Variants in SOBP observed in about 807,000 individuals in gnomAD.
The protein encoded by SOBP is sine oculis binding protein homolog, also known as sine oculis-binding protein homolog.
In SOBP, 4 loss-of-function variants were observed where a neutral mutation model predicts 53.6. The ratio of observed to expected loss-of-function variants is 0.07; its 90% CI spans 0.04 to 0.17. The LOEUF (loss-of-function observed/expected upper bound fraction) is 0.17, where lower values mean the gene tolerates loss of function less well. SOBP is among the 10% of genes least tolerant of loss of function. The pLI is 1.00. For missense variants in SOBP, 1,088 were observed against 1,204.7 expected, an observed-to-expected ratio of 0.90 and a Z score of 1.43; for synonymous variants, 584 against 522.6, an observed-to-expected ratio of 1.12 and a Z score of -1.60.
intron 6 of SOBP, among the ~76,000 whole-genome samples, chr6:107,657,881 A>G (rs1003771896): frequency 6.6e-6 from 1 of 150,804 alleles, no homozygotes; most frequent in Non-Finnish European, 1.5e-5. Flanking sequence ...GCATGCAGTC[A>G]TGTGGAGGGG....
intron 3 of SOBP, chr6:107,510,590 G>C (rs762621478): frequency 2.6e-5 from 4 of 152,192 alleles, no homozygotes; most frequent in Non-Finnish European, 5.9e-5. Context: ...AGTGAAACGA[G>C]GATTCCATCA....
At chr6:107,549,507 A>G (rs1784405419) in intron 4 of SOBP, among the ~76,000 whole-genome samples, 2 of 151,956 alleles carry the variant, frequency 1.3e-5, no homozygotes. Flanking sequence ...TTTGCATTAA[A>G]TGCGATGAAA....
intron 6 of SOBP, among the ~76,000 whole-genome samples, chr6:107,639,672 G>T (rs1292556485): frequency 6.6e-6 from 1 of 152,106 alleles, no homozygotes; most frequent in East Asian, 1.9e-4. Flanking sequence ...GGAGCTTGAG[G>T]GATAGCTGTT....
chr6:107,590,408 GAAC>G (rs1244670927), intron 5 of SOBP, among the ~76,000 whole-genome samples: 2 of 152,130 alleles, frequency 1.3e-5, no homozygotes, highest in East Asian at 3.9e-4. Flanking sequence ...TATAACCAAA[GAAC>G]AACAGCAACT....
At chr6:107,551,355 AT>A (rs1480969950) in intron 4 of SOBP, among the ~76,000 whole-genome samples, 3 of 152,070 alleles carry the variant, frequency 2.0e-5, no homozygotes, top group African/African-American at 7.2e-5. Context: ...TTAGTATGCT[AT>A]TTTTCAAGCT....
chr6:107,646,286 C>G (rs890359184), intron 6 of SOBP, among the ~76,000 whole-genome samples: 1 of 152,182 alleles, frequency 6.6e-6, no homozygotes, highest in Non-Finnish European at 1.5e-5. Context: ...GCTAAGTGGG[C>G]CTAAGGAAAT....
At chr6:107,585,204 C>T (rs1785528593) in intron 4 of SOBP, among the ~76,000 whole-genome samples, 1 of 152,090 alleles carries the variant, frequency 6.6e-6, no homozygotes, top group South Asian at 2.1e-4. Flanking sequence ...TAAATATCAA[C>T]TAAAAGTAAG....
At chr6:107,533,016 T>A (rs535227652) in intron 3 of SOBP, among the ~76,000 whole-genome samples, 16 of 152,226 alleles carry the variant, frequency 1.1e-4, no homozygotes, top group South Asian at 2.1e-4. Context: ...CTGGTCAAGG[T>A]TCACATGAGG....
intron 3 of SOBP, among the ~76,000 whole-genome samples, chr6:107,528,606 A>G (rs1300224459): frequency 6.6e-6 from 1 of 152,236 alleles, no homozygotes; most frequent in East Asian, 1.9e-4. Context: ...GTTTTTTGAA[A>G]ATCAATCAAC....
intron 5 of SOBP, among the ~76,000 whole-genome samples, chr6:107,589,322 A>G (rs1165143582): frequency 1.3e-5 from 2 of 152,192 alleles, no homozygotes; most frequent in African/African-American, 2.4e-5. Flanking sequence ...CCTCTGTGCC[A>G]CAGACACTGA....
chr6:107,624,286 G>T (rs1450558193), intron 5 of SOBP, among the ~76,000 whole-genome samples: 6 of 152,168 alleles, frequency 3.9e-5, no homozygotes, highest in African/African-American at 1.4e-4. Flanking sequence ...CACCCTTTAA[G>T]AGGGGCATTA....
chr6:107,657,400 G>A (rs1276388065), intron 6 of SOBP, among the ~76,000 whole-genome samples: 1 of 152,180 alleles, frequency 6.6e-6, no homozygotes, highest in Non-Finnish European at 1.5e-5. Flanking sequence ...CAGTGCTACT[G>A]TTTGTTTTGG....
chr6:107,635,057 C>A lies in SOBP; in HGVS notation c.2213C>A (p.Ala738Glu). Reference sequence around the variant, plus strand: ...GCCGCCGCCGAGGGCGCTAAGAGCGCGGAGCCGCCTCCCGAGCAGCCGCCG... The same window carrying A: ...GCCGCCGCCGAGGGCGCTAAGAGCGAGGAGCCGCCTCCCGAGCAGCCGCCG... Reference protein sequence around the residue: ...RGAAAEGAKSAEPPPEQPPPP... With the variant: ...RGAAAEGAKSEEPPPEQPPPP... The change falls in exon 6 of 7, where the codon GCG becomes GAG. Residue 738 changes from alanine (A) to glutamate (E), a missense_variant. Around this residue, in one of 6 missense-constraint regions of SOBP, gnomAD observed 665 missense variants for 629.7 expected, o/e 1.06. Transcript: ENST00000317357. This position sits in a 1 kb window ranked among gnomAD's most constrained non-coding sequence, Gnocchi z 4.5. 6.6e-7 allele frequency: 1 copy of A among 1,523,778 alleles called. No homozygotes were observed. The highest frequency in any genetic ancestry group is 8.8e-7 in the Non-Finnish European group (1 of 1,135,072). 94.4% of individuals were successfully genotyped at this position (1,523,778 alleles called of 1,614,324 possible).
At chr6:107,605,349 G>C (rs1032339740) in intron 5 of SOBP, among the ~76,000 whole-genome samples, 1 of 152,248 alleles carries the variant, frequency 6.6e-6, no homozygotes, top group African/African-American at 2.4e-5. Flanking sequence ...GAGGTGCTGG[G>C]GTTCAGGGGC....
intron 5 of SOBP, among the ~76,000 whole-genome samples, chr6:107,596,310 G>C (rs1282239735): frequency 6.6e-6 from 1 of 151,882 alleles, no homozygotes; most frequent in Non-Finnish European, 1.5e-5. Context: ...TAAAGGCATT[G>C]TAACAACCAA....
At chr6:107,575,055 G>A (rs1377876044) in intron 4 of SOBP, among the ~76,000 whole-genome samples, 2 of 152,028 alleles carry the variant, frequency 1.3e-5, no homozygotes, top group Non-Finnish European at 2.9e-5. Flanking sequence ...TGGGGCGCAC[G>A]AGCAGTGTGG....
At chr6:107,585,733 AAGTTCCAT>A (rs1785545400) in intron 4 of SOBP, among the ~76,000 whole-genome samples, 2 of 152,212 alleles carry the variant, frequency 1.3e-5, no homozygotes, top group African/African-American at 4.8e-5. Flanking sequence ...TTGCACTTCC[AAGTTCCAT>A]CTAGTTCCCT....
At chr6:107,629,515 G>T (rs1770610673) in intron 5 of SOBP, among the ~76,000 whole-genome samples, 2 of 152,192 alleles carry the variant, frequency 1.3e-5, no homozygotes, top group Admixed American at 1.3e-4. Context: ...GCATACTTTG[G>T]CCTTGACTTT....
chr6:107,615,866 T>C (rs1786764461), intron 5 of SOBP, among the ~76,000 whole-genome samples: 1 of 150,576 alleles, frequency 6.6e-6, no homozygotes, highest in Non-Finnish European at 1.5e-5. Context: ...AAAAAAAAAT[T>C]TATAAATTAT....
Sources: gnomAD v4.1 joint callset for allele counts (sites outside exome capture counted in the v4.1 genomes callset) on GRCh38, gnomAD v4.1.1 for gene constraint, gnomAD v4.1.1 regional missense constraint, Gnocchi (gnomAD v3.1) non-coding constraint, MANE v1.5 for transcripts, NCBI Gene and HGNC (gene_info 2026-07-23, HGNC 2026-07-21) for gene names.